Variants in SPAG9 observed in about 807,000 individuals in gnomAD.
SPAG9 encodes the protein C-Jun-amino-terminal kinase-interacting protein 4.
SPAG9 carries 35 observed loss-of-function variants against 166.5 expected under a neutral mutation model. That is an observed-to-expected ratio of 0.21 (90% CI 0.16 to 0.28). SPAG9 has a LOEUF of 0.28. Ranked by LOEUF, SPAG9 falls within the 10% of genes least tolerant of loss-of-function variation. The pLI is 1.00. For synonymous variants in SPAG9, 534 were observed against 565.5 expected (o/e 0.94, Z 0.79); for missense variants, 1,235 against 1,603.3 (o/e 0.77, Z 3.92).
chr17:51,053,836 T>TAAAA (rs1196039200), intron 3 of SPAG9, among the ~76,000 whole-genome samples: 1 of 25,308 alleles, frequency 4.0e-5, no homozygotes, highest in East Asian at 1.2e-3. Context: ...AGACCCTAAT[T>TAAAA]AAAAAAAAAA....
intron 1 of SPAG9, among the ~76,000 whole-genome samples, chr17:51,107,935 G>A (rs2049001181): frequency 6.6e-6 from 1 of 151,422 alleles, no homozygotes; most frequent in Non-Finnish European, 1.5e-5. Flanking sequence ...AGGGAGGGGG[G>A]CAGTAATAGA....
In SPAG9 at chr17:51,120,751, A is replaced by T; in HGVS notation, c.-95T>A. 1 of 1,144,878 alleles carries T rather than the reference A, an allele frequency of 8.7e-7. No individual in the cohort carries two copies. The highest frequency in any genetic ancestry group is 1.2e-6 in the Non-Finnish European group (1 of 838,450). 70.9% of individuals were successfully genotyped at this position (1,144,878 alleles called of 1,614,324 possible). ...GGACCCGACTCGGGCTGGGACGGGTACTAGGGCTGGAGCCCGGGCCGGGGC... is the reference window on the plus strand; with the variant it reads ...GGACCCGACTCGGGCTGGGACGGGTTCTAGGGCTGGAGCCCGGGCCGGGGC... On this transcript the variant is annotated 5_prime_UTR_variant, in exon 1 of 30. Coordinates refer to ENST00000262013, the MANE Select transcript of SPAG9 (RefSeq NM_001130528.3). The surrounding 1 kb of genome is among the most constrained non-coding windows in gnomAD (Gnocchi z 4.7).
intron 2 of SPAG9, among the ~76,000 whole-genome samples, chr17:51,077,073 TCTAGCTATCTAGCTAGCTATCTATCTAG>T (rs1187721637): frequency 5.2e-5 from 6 of 116,046 alleles, no homozygotes; most frequent in Admixed American, 8.3e-5. Context: ...TAGCTAGCTA[TCTAGCTATCTAGCTAGCTATCTATCTAG>T]CTAGCTATCT....
chr17:51,007,151 T>G lies in SPAG9; in HGVS notation c.1271+118A>C, dbSNP rs575730342. On this transcript the variant is annotated intron_variant, in intron 10 of 29. Coordinates refer to ENST00000262013, the MANE Select transcript of SPAG9 (RefSeq NM_001130528.3). ...TGTGTGTGTGTGTGCACACTCAGAG[T>G]TGGGGAACGAGATGGGACAGGGAGA... 4.0e-4 allele frequency: 214 copies of G among 530,476 alleles called. 1 individual carries two copies. The highest frequency in any genetic ancestry group is 2.8e-3 in the African/African-American group (137 of 49,808). The allele number at this position is 530,476 out of a possible 1,614,324, so 32.9% of individuals were successfully genotyped here. A position where few individuals can be genotyped will look rare whatever the true frequency, so the allele number is the denominator to read the frequency against.
chr17:50,989,927 T>C, intron 20 of SPAG9, 55 bp from the exon 21 acceptor site: 1 of 1,454,854 alleles, frequency 6.9e-7, no homozygotes, highest in Non-Finnish European at 9.6e-7. Flanking sequence ...TCCAATTATT[T>C]CCCCACACAA....
At position 51,079,595 on chromosome 17, in the gene SPAG9, T is replaced by C. The variant is rs774338146; in HGVS notation, c.413A>G (p.Tyr138Cys). 5.0e-6 allele frequency: 8 copies of C among 1,613,630 alleles called. No individual in the cohort carries two copies. The highest frequency in any genetic ancestry group is 2.2e-5 in the East Asian group (1 of 44,890). Residue 138 changes from tyrosine (Y) to cysteine (C), a missense_variant, in exon 2 of 30, where the codon TAT (tyrosine) becomes TGT (cysteine). Tyr to Cys is a radical substitution (Grantham distance 194). Around this residue, in one of 6 missense-constraint regions of SPAG9, gnomAD observed 288 missense variants for 323.7 expected, o/e 0.89. Transcript: ENST00000262013. ...TRQLELKAKNYADQISRLEER... is the reference protein window; with the variant it reads ...TRQLELKAKNCADQISRLEER... ...AATGTTTTACTTACTCTGGTCAGCA[T>C]AGTTTTTCGCTTTCAGCTCAAGTTG...
chr17:51,073,697 C>T (rs1411735573), intron 2 of SPAG9, among the ~76,000 whole-genome samples: 2 of 151,870 alleles, frequency 1.3e-5, no homozygotes, highest in South Asian at 4.1e-4. Context: ...ATTCATATTA[C>T]ACCAGTTAAG....
At chr17:51,056,585 T>C in intron 2 of SPAG9, 103 bp from the exon 3 acceptor site, 1 of 697,416 alleles carries the variant, frequency 1.4e-6, no homozygotes, top group Non-Finnish European at 2.5e-6. Flanking sequence ...TTAGCAACTT[T>C]CAGACTCAGT....
At chr17:51,009,621 A>G (rs550466283) in intron 9 of SPAG9, among the ~76,000 whole-genome samples, 1 of 152,232 alleles carries the variant, frequency 6.6e-6, no homozygotes, top group African/African-American at 2.4e-5. Context: ...TTGTACTTCT[A>G]TTGTTGGTCT....
At chr17:51,110,611 C>T (rs2049081029) in intron 1 of SPAG9, among the ~76,000 whole-genome samples, 1 of 152,084 alleles carries the variant, frequency 6.6e-6, no homozygotes, top group Admixed American at 6.6e-5. Context: ...ATGGCTTGAG[C>T]CCAAGAGGCA....
chr17:51,104,853 A>AACC (rs1179997298), intron 1 of SPAG9, among the ~76,000 whole-genome samples: 2 of 149,944 alleles, frequency 1.3e-5, no homozygotes, highest in Non-Finnish European at 3.0e-5. Context: ...GAATGGCGTG[A>AACC]ACCTGGGAGG....
chr17:51,054,268 C>T (rs1424458796), intron 3 of SPAG9, among the ~76,000 whole-genome samples: 1 of 151,286 alleles, frequency 6.6e-6, no homozygotes, highest in Admixed American at 6.6e-5. Context: ...AGGTGCAGGC[C>T]ACCATGCCTG....
chr17:51,091,329 A>T (rs560059600), intron 1 of SPAG9, among the ~76,000 whole-genome samples: 1 of 152,090 alleles, frequency 6.6e-6, no homozygotes, highest in East Asian at 1.9e-4. Flanking sequence ...GATAGTCATT[A>T]ATGATTTAAT....
At chr17:51,038,944 A>C (rs1311873212) in intron 5 of SPAG9, among the ~76,000 whole-genome samples, 1 of 152,148 alleles carries the variant, frequency 6.6e-6, no homozygotes, top group Non-Finnish European at 1.5e-5. Flanking sequence ...TTCCTAGAAA[A>C]TCTATTAGAT....
At chr17:51,089,112 C>CAAA in intron 1 of SPAG9, among the ~76,000 whole-genome samples, 3 of 149,632 alleles carry the variant, frequency 2.0e-5, no homozygotes, top group Non-Finnish European at 4.5e-5. Flanking sequence ...CAAAACAAAA[C>CAAA]ACACACACAC....
At chr17:51,069,483 A>G (rs1411635624) in intron 2 of SPAG9, among the ~76,000 whole-genome samples, 1 of 152,164 alleles carries the variant, frequency 6.6e-6, no homozygotes, top group Non-Finnish European at 1.5e-5. Flanking sequence ...TTGATATGAA[A>G]TGATACTTGG....
At chr17:51,078,916 A>C (rs916785010) in intron 2 of SPAG9, among the ~76,000 whole-genome samples, 1 of 152,192 alleles carries the variant, frequency 6.6e-6, no homozygotes, top group African/African-American at 2.4e-5. Flanking sequence ...ATTTCAAAGC[A>C]AAACAGAAAA....
At chr17:51,038,614 T>C (rs536559571) in intron 5 of SPAG9, among the ~76,000 whole-genome samples, 5 of 152,242 alleles carry the variant, frequency 3.3e-5, no homozygotes, top group African/African-American at 1.2e-4. Flanking sequence ...CACTTAAACA[T>C]GCTGAAGTGC....
intron 1 of SPAG9, among the ~76,000 whole-genome samples, chr17:51,090,359 A>G (rs564221113): frequency 5.2e-4 from 79 of 152,268 alleles, no homozygotes; most frequent in Non-Finnish European, 3.4e-4. Flanking sequence ...CATCTCTACT[A>G]AAAATACAAA....
Sources: gnomAD v4.1 joint callset for allele counts (sites outside exome capture counted in the v4.1 genomes callset) on GRCh38, gnomAD v4.1.1 for gene constraint, gnomAD v4.1.1 regional missense constraint, Gnocchi (gnomAD v3.1) non-coding constraint, MANE v1.5 for transcripts, NCBI Gene and HGNC (gene_info 2026-07-23, HGNC 2026-07-21) for gene names.